Variants in FDXACB1 observed in about 807,000 individuals in gnomAD.
FDXACB1 encodes the protein ferredoxin-fold anticodon-binding domain-containing protein 1.
Under a neutral mutation model 51.7 loss-of-function variants are expected in FDXACB1, and 41 were observed. The ratio of observed to expected loss-of-function variants is 0.79; its 90% CI spans 0.62 to 1.03. The LOEUF (loss-of-function observed/expected upper bound fraction) is 1.03, where lower values mean the gene tolerates loss of function less well. Ranked by LOEUF, FDXACB1 falls within the 50% of genes least tolerant of loss-of-function variation. The pLI, the probability that FDXACB1 is intolerant of heterozygous loss-of-function variation, is 0.00. For synonymous variants in FDXACB1, 273 were observed against 278.6 expected (o/e 0.98, Z 0.20); for missense variants, 697 against 746.4 (o/e 0.93, Z 0.77).
At chr11:111,877,727 G>C (rs970122445) in intron 2 of FDXACB1, among the ~76,000 whole-genome samples, 1 of 151,320 alleles carries the variant, frequency 6.6e-6, no homozygotes, top group Non-Finnish European at 1.5e-5. Flanking sequence ...ACTTTGGCCA[G>C]GCTGGTCTCA....
At position 111,878,657 on chromosome 11, in the gene FDXACB1, C is replaced by T; in HGVS notation, c.228G>A (p.Leu76=). 2 of 1,610,654 alleles carry T rather than the reference C, an allele frequency of 1.2e-6. No individual in the cohort carries two copies. Among genetic ancestry groups the T allele is most frequent in the East Asian group, 2.2e-5 (1 of 44,832 alleles). ...DCTQLADVFE[L]HEREFDQIYF... ...AAATTTGATCAAATTCTCTCTCGTGCAGTTCAAAGACATCTGCCAGCTGGG... is the reference window on the plus strand; with the variant it reads ...AAATTTGATCAAATTCTCTCTCGTGTAGTTCAAAGACATCTGCCAGCTGGG... Residue 76 remains leucine, a synonymous_variant, in exon 2 of 5, where the codon CTG becomes CTA. Coordinates refer to ENST00000260257, the MANE Select transcript of FDXACB1 (RefSeq NM_138378.3).
Position 111,875,591 on chromosome 11 carries a change from A to G in FDXACB1, c.1206T>C (p.Asn402=). The change falls in exon 5 of 5, where the codon AAT becomes AAC. Residue 402 remains asparagine (N), a synonymous_variant. Transcript: ENST00000260257. ...ETLFILGVNQ[N]LKDGCLQSLL... ...GTGATTGAAGACAGCCATCCTTCAG[A>G]TTTTGATTAACCCCAAGGATAAATA... 6.2e-7 allele frequency: 1 copy of G among 1,612,480 alleles called. No individual in the cohort carries two copies.
chr11:111,879,147 C>T lies in FDXACB1; in HGVS notation c.-15G>A, dbSNP rs1964894989. 1 of 1,598,996 alleles carries T rather than the reference C, an allele frequency of 6.3e-7. No homozygotes were observed. On this transcript the variant is annotated 5_prime_UTR_variant, in exon 1 of 5. Transcript: ENST00000260257. ...CGAGGGGCCATGGCCTCCACGGACT[C>T]CCGGCTCGCGTTCTCTGTGGCGCTC...
Position 111,875,919 on chromosome 11 carries a change from A to G in FDXACB1, c.878T>C (p.Leu293Pro). 6.2e-7 allele frequency: 1 copy of G among 1,613,932 alleles called. No homozygotes were observed. Among genetic ancestry groups the G allele is most frequent in the Non-Finnish European group, 8.5e-7 (1 of 1,179,898 alleles). ...CTCAGAATTTGAGTTATCTTCATGG[A>G]GACTAATCCAAAAAGCAGCTGACAG... ...DFLSAAFWIS[L>P]HEDNSNSESL... The change falls in exon 5 of 5, where the codon CTC becomes CCC. Residue 293 changes from leucine to proline, a missense_variant. This residue lies in a region of FDXACB1 where 538 missense variants were observed against 592.2 expected (regional missense o/e 0.91). Transcript: ENST00000260257.
At chr11:111,877,062 T>C (rs1350550006) in intron 2 of FDXACB1, 51 bp from the exon 3 acceptor site, 7 of 1,522,298 alleles carry the variant, frequency 4.6e-6, no homozygotes, top group Non-Finnish European at 6.2e-6. Context: ...AAGCAGAAAT[T>C]ACCACAGGAG....
chr11:111,878,901 T>C (rs758713970), intron 1 of FDXACB1, 60 bp downstream of exon 1: 1 of 1,553,588 alleles, frequency 6.4e-7, no homozygotes, highest in Non-Finnish European at 8.7e-7. Flanking sequence ...GCCCCCACCC[T>C]TTCCACTTTG....
At chr11:111,877,511 A>AT (rs1964840851) in intron 2 of FDXACB1, among the ~76,000 whole-genome samples, 2 of 117,990 alleles carry the variant, frequency 1.7e-5, no homozygotes, top group African/African-American at 6.2e-5. Context: ...GCTGTTAGTT[A>AT]CTTTTTTTTT....
chr11:111,877,564 TG>T (rs1964843615), intron 2 of FDXACB1, among the ~76,000 whole-genome samples: 1 of 146,020 alleles, frequency 6.8e-6, no homozygotes, highest in Non-Finnish European at 1.5e-5. Flanking sequence ...TCGCCCAGGC[TG>T]GAGTGCAGTG....
intron 1 of FDXACB1, 30 bp downstream of exon 1, chr11:111,878,931 C>T (rs1964883475): frequency 6.3e-7 from 1 of 1,580,510 alleles, no homozygotes; most frequent in Admixed American, 1.9e-5. Context: ...GGCCGCTGGG[C>T]GGGGTTTCGC....
At position 111,876,984 on chromosome 11, in the gene FDXACB1, T is replaced by C; in HGVS notation, c.357A>G (p.Gly119=). 6.3e-7 allele frequency: 1 copy of C among 1,594,840 alleles called. No individual in the cohort carries two copies. The highest frequency in any genetic ancestry group is 8.5e-7 in the Non-Finnish European group (1 of 1,169,824). ...QSCADVLAEE[G]EVHVALCRGQ... ...CTCTACATAATGCCACGTGGACTTC[T>C]CCTTCCTCTGCAAGAACGTCTGCAC... is the stretch of plus-strand genomic sequence containing the variant. The change falls in exon 3 of 5, where the codon GGA becomes GGG. Residue 119 remains glycine, a synonymous_variant. Coordinates refer to ENST00000260257, the MANE Select transcript of FDXACB1 (RefSeq NM_138378.3).
intron 1 of FDXACB1, 78 bp downstream of exon 1, chr11:111,878,883 A>T (rs1433466897): frequency 9.1e-6 from 14 of 1,535,914 alleles, no homozygotes; most frequent in Non-Finnish European, 1.2e-5. Flanking sequence ...CGTGGGTTAC[A>T]TCCCCACGCC....
rs1055336868 is a variant in FDXACB1 at position 111,875,166 on chromosome 11, A to G, written c.1631T>C (p.Ile544Thr). The change falls in exon 5 of 5, where the codon ATA becomes ACA. Residue 544 changes from isoleucine (I) to threonine (T), a missense_variant. Ile to Thr is a moderately conservative substitution (Grantham distance 89). This residue lies in a region of FDXACB1 where 538 missense variants were observed against 592.2 expected (regional missense o/e 0.91). Transcript: ENST00000260257. ...TTCATCAAATCCTTTCTTCTGATCT[A>G]TCCAAAAACTAACATCATGCACATA... ...PCYVHDVSFWIDQKKGFDELE... is the reference protein window; with the variant it reads ...PCYVHDVSFWTDQKKGFDELE... The G allele has an allele frequency of 3.7e-6, 6 of 1,613,832 alleles. No homozygotes were observed. Among genetic ancestry groups the G allele is most frequent in the East Asian group, 4.5e-5 (2 of 44,892 alleles).
rs887467137 is a variant in FDXACB1, at chr11:111,875,160, T to A, written c.1637A>T (p.Gln546Leu). The change falls in exon 5 of 5, where the codon CAG becomes CTG. Residue 546 changes from glutamine (Q) to leucine (L), a missense_variant. By Grantham distance (113) the Gln-to-Leu change is moderately radical. Transcript: ENST00000260257. ...CTCTAGTTCATCAAATCCTTTCTTC[T>A]GATCTATCCAAAAACTAACATCATG... ...YVHDVSFWID[Q>L]KKGFDELEFH... 9 of 1,613,702 alleles carry A rather than the reference T, an allele frequency of 5.6e-6. No individual in the cohort carries two copies. In the African/African-American group the frequency reaches 1.1e-4, roughly 19 times the overall value.
chr11:111,877,458 A>G (rs1244311058), intron 2 of FDXACB1, among the ~76,000 whole-genome samples: 1 of 152,034 alleles, frequency 6.6e-6, no homozygotes, highest in Non-Finnish European at 1.5e-5. Flanking sequence ...CTTGTGGTAT[A>G]ATCATGTAAA....
Position 111,874,558 on chromosome 11 carries a change from G to A in FDXACB1, c.*364C>T, listed in dbSNP as rs1456592067. The A allele has an allele frequency of 5.2e-6, 1 of 191,722 alleles. No individual in the cohort carries two copies. The highest frequency in any genetic ancestry group is 2.4e-5 in the African/African-American group (1 of 41,472). 11.9% of individuals were successfully genotyped at this position (191,722 alleles called of 1,614,324 possible). A position where few individuals can be genotyped will look rare whatever the true frequency, so the allele number is the denominator to read the frequency against. ...GAGGCCGGGAGATTGAGACCATCCTGGCTAACACGGTGAAACCTCGTCTCT... is the reference window on the plus strand; with the variant it reads ...GAGGCCGGGAGATTGAGACCATCCTAGCTAACACGGTGAAACCTCGTCTCT... On this transcript the variant is annotated 3_prime_UTR_variant, in exon 5 of 5. Transcript: ENST00000260257.
rs1964806689 is a variant in FDXACB1, at chr11:111,876,020, T to C, written c.777A>G (p.Leu259=). The C allele has an allele frequency of 6.2e-7, 1 of 1,613,988 alleles. No individual in the cohort carries two copies. The highest frequency in any genetic ancestry group is 8.5e-7 in the Non-Finnish European group (1 of 1,179,872). ...LIAELGKVFP[L]KRLKCSYPLL... ...AAGGGTAGGAACACTTCAGCCTTTTTAGCGGGAAAACTTTGCCTAATTCAG... is the reference window on the plus strand; with the variant it reads ...AAGGGTAGGAACACTTCAGCCTTTTCAGCGGGAAAACTTTGCCTAATTCAG... The change falls in exon 5 of 5, where the codon CTA becomes CTG. Residue 259 remains leucine (L), a synonymous_variant. Coordinates refer to ENST00000260257, the MANE Select transcript of FDXACB1 (RefSeq NM_138378.3).
Position 111,874,887 on chromosome 11 carries a change from A to G in FDXACB1, c.*35T>C. On this transcript the variant is annotated 3_prime_UTR_variant, in exon 5 of 5. Coordinates refer to ENST00000260257, the MANE Select transcript of FDXACB1 (RefSeq NM_138378.3). ...GTAATTTTCCTCCACATCCCCCGCA[A>G]TGAAGGATCACACTGCAGAAAAGGA... The G allele has an allele frequency of 6.4e-7, 1 of 1,569,324 alleles. No homozygotes were observed. Among genetic ancestry groups the G allele is most frequent in the Non-Finnish European group, 8.7e-7 (1 of 1,146,956 alleles).
Position 111,874,177 on chromosome 11 carries a change from A to C in FDXACB1, c.*745T>G, listed in dbSNP as rs926702672. Reference sequence around the variant, plus strand: ...TATTTGCAATTTCCCAAGCTAATAAATGTTAGTCTGATGCCAAAAACTACT... The same window carrying C: ...TATTTGCAATTTCCCAAGCTAATAACTGTTAGTCTGATGCCAAAAACTACT... On this transcript the variant is annotated 3_prime_UTR_variant, in exon 5 of 5. Transcript: ENST00000260257. 6.6e-6 allele frequency: 1 copy of C among 152,234 alleles called. No individual in the cohort carries two copies. Among genetic ancestry groups the C allele is most frequent in the Non-Finnish European group, 1.5e-5 (1 of 68,044 alleles). 9.4% of individuals were successfully genotyped at this position (152,234 alleles called of 1,614,324 possible).
chr11:111,876,961 C>G lies in FDXACB1; in HGVS notation c.380G>C (p.Arg127Thr), dbSNP rs183279459. Residue 127 changes from arginine to threonine, a missense_variant, in exon 3 of 5, where the codon AGA becomes ACA. Physicochemically the swap from Arg to Thr is moderately conservative, Grantham distance 71. Transcript: ENST00000260257. Reference protein sequence around the residue: ...EEGEVHVALCRGQGGTPADKP... With the variant: ...EEGEVHVALCTGQGGTPADKP... ...ATCCGCAGGAGTTCCACCTTGTCCT[C>G]TACATAATGCCACGTGGACTTCTCC... 391 of 1,605,330 alleles carry G rather than the reference C, an allele frequency of 2.4e-4. No individual in the cohort carries two copies. The highest frequency in any genetic ancestry group is 3.1e-4 in the Non-Finnish European group (360 of 1,175,500).
Sources: allele counts gnomAD v4.1 joint callset (sites outside exome capture counted in the v4.1 genomes callset), GRCh38; gene constraint gnomAD v4.1.1; regional missense constraint gnomAD v4.1.1; transcripts MANE v1.5; gene names NCBI Gene and HGNC (gene_info 2026-07-23, HGNC 2026-07-21).